Variants in CACNA1C observed in about 807,000 individuals in gnomAD.
CACNA1C encodes the protein calcium voltage-gated channel subunit alpha1 C.
CACNA1C carries 30 observed loss-of-function variants against 229.0 expected under a neutral mutation model. The ratio of observed to expected loss-of-function variants is 0.13; its 90% CI spans 0.10 to 0.18. The LOEUF (loss-of-function observed/expected upper bound fraction) is 0.18, where lower values mean the gene tolerates loss of function less well. CACNA1C is among the 10% of genes least tolerant of loss of function. The pLI is 1.00. For synonymous variants in CACNA1C, 1,114 were observed against 1,132.5 expected, an observed-to-expected ratio of 0.98 and a Z score of 0.33; for missense variants, 1,658 against 2,845.0, an observed-to-expected ratio of 0.58 and a Z score of 9.49.
chr12:2,476,351 G>C (rs1358604457), intron 5 of CACNA1C, among the ~76,000 whole-genome samples: 1 of 152,242 alleles, frequency 6.6e-6, no homozygotes, highest in Non-Finnish European at 1.5e-5. Flanking sequence ...AGTTGGCTTG[G>C]CTTCTAACTC....
intron 5 of CACNA1C, among the ~76,000 whole-genome samples, chr12:2,470,458 T>C (rs187768537): frequency 6.6e-6 from 1 of 152,324 alleles, no homozygotes; most frequent in East Asian, 1.9e-4. Context: ...CAGCGTCCTG[T>C]GAAGTGATCA....
In CACNA1C at chr12:2,685,773, C is replaced by T; in HGVS notation, c.5611C>T (p.Leu1871Phe). Residue 1871 changes from leucine (L) to phenylalanine (F), a missense_variant, in exon 44 of 47, where the codon CTC (leucine) becomes TTC (phenylalanine). Coordinates refer to ENST00000399655, the MANE Select transcript of CACNA1C (RefSeq NM_000719.7). ...YQDDENRQLT[L>F]PEEDKRDIRQ... is the part of the protein sequence containing the mutation. ...GGATGACGAAAATCGGCAACTGACGCTCCCAGAGGAGGACAAGAGGGACAT... is the reference window on the plus strand; with the variant it reads ...GGATGACGAAAATCGGCAACTGACGTTCCCAGAGGAGGACAAGAGGGACAT... The T allele has an allele frequency of 6.2e-7, 1 of 1,613,742 alleles. No homozygotes were observed. Among genetic ancestry groups the T allele is most frequent in the Non-Finnish European group, 8.5e-7 (1 of 1,179,658 alleles).
chr12:2,467,157 C>T lies in CACNA1C; in HGVS notation c.757+9451C>T, dbSNP rs1368960831. ...CGCCCATCGGAGATGGTCCCTACAA[C>T]ATCTTCTAAGCCCTTTCCCTCCCAC... is the stretch of plus-strand genomic sequence containing the variant. On this transcript the variant is annotated intron_variant, in intron 5 of 46. Coordinates refer to ENST00000399655, the MANE Select transcript of CACNA1C (RefSeq NM_000719.7). This position sits in a 1 kb window ranked among gnomAD's most constrained non-coding sequence, Gnocchi z 4.6. 6.6e-6 allele frequency among the ~76,000 whole-genome samples: 1 copy of T among 152,134 alleles called. No homozygotes were observed. Among genetic ancestry groups the T allele is most frequent in the African/African-American group, 2.4e-5 (1 of 41,446 alleles).
intron 3 of CACNA1C, among the ~76,000 whole-genome samples, chr12:2,316,040 T>C (rs993905261): frequency 6.6e-6 from 1 of 152,186 alleles, no homozygotes; most frequent in Non-Finnish European, 1.5e-5. Flanking sequence ...AACCATAAGT[T>C]ATTGCCAGAG....
In CACNA1C at chr12:2,487,232, G is replaced by A. The variant is rs191109523; in HGVS notation, c.916+970G>A. On this transcript the variant is annotated intron_variant, in intron 6 of 46. Coordinates refer to ENST00000399655, the MANE Select transcript of CACNA1C (RefSeq NM_000719.7). ...GCAAGATCCATCATCTTAGTTTTTAGCATCTTGGTGGAAAAAGGGGAGCAT... is the reference window on the plus strand; with the variant it reads ...GCAAGATCCATCATCTTAGTTTTTAACATCTTGGTGGAAAAAGGGGAGCAT... Among the ~76,000 whole-genome samples, 16 of 151,756 alleles carry A rather than the reference G, an allele frequency of 1.1e-4. No homozygotes were observed. In the East Asian group the frequency reaches 1.4e-3, roughly 13 times the overall value.
intron 1 of CACNA1C, among the ~76,000 whole-genome samples, chr12:2,081,597 A>G (rs780394841): frequency 6.6e-6 from 1 of 152,026 alleles, no homozygotes; most frequent in South Asian, 2.1e-4. Context: ...CATTTTTCCT[A>G]TAAACAAAGG....
chr12:2,347,129 C>T (rs1342030431), intron 3 of CACNA1C, among the ~76,000 whole-genome samples: 1 of 152,214 alleles, frequency 6.6e-6, no homozygotes, highest in African/African-American at 2.4e-5. Context: ...CCAAGCCTTG[C>T]TCCTTGTACT....
At chr12:2,093,509 C>T (rs543657209) in intron 1 of CACNA1C, among the ~76,000 whole-genome samples, 44 of 152,332 alleles carry the variant, frequency 2.9e-4, no homozygotes, top group African/African-American at 1.0e-3. Context: ...TGCTTTGTGC[C>T]TCCGTGTTCC....
intron 3 of CACNA1C, among the ~76,000 whole-genome samples, chr12:2,124,974 C>G (rs2089366801): frequency 6.6e-6 from 1 of 152,056 alleles, no homozygotes; most frequent in Non-Finnish European, 1.5e-5. Context: ...GGAGGAGAGA[C>G]ACAAGGAGAA....
intron 3 of CACNA1C, among the ~76,000 whole-genome samples, chr12:2,236,125 C>A (rs1018841768): frequency 6.6e-6 from 1 of 152,164 alleles, no homozygotes; most frequent in Non-Finnish European, 1.5e-5. Flanking sequence ...CATCTCAGCC[C>A]GAAGTGTTTT....
intron 10 of CACNA1C, among the ~76,000 whole-genome samples, chr12:2,556,318 G>A (rs1430442875): frequency 6.6e-6 from 1 of 152,086 alleles, no homozygotes; most frequent in Non-Finnish European, 1.5e-5. Context: ...GACCCTTCCA[G>A]GCAGCCACCC....
chr12:2,600,065 C>A (rs1042183962), intron 21 of CACNA1C, among the ~76,000 whole-genome samples: 6 of 152,130 alleles, frequency 3.9e-5, no homozygotes, highest in Non-Finnish European at 8.8e-5. Context: ...CTCAGAAGAT[C>A]CAAGCCAGGA....
At chr12:2,180,297 G>A (rs924029540) in intron 3 of CACNA1C, among the ~76,000 whole-genome samples, 2 of 152,244 alleles carry the variant, frequency 1.3e-5, no homozygotes, top group African/African-American at 4.8e-5. Flanking sequence ...AAGGGGTGGT[G>A]GGGAAAGCAT....
At chr12:2,272,395 C>A (rs779596168) in intron 3 of CACNA1C, among the ~76,000 whole-genome samples, 44 of 152,302 alleles carry the variant, frequency 2.9e-4, no homozygotes, top group African/African-American at 1.0e-3. Flanking sequence ...TGCCTCCTGC[C>A]TCCTCCTGCT....
At chr12:2,322,399 G>T (rs1296489200) in intron 3 of CACNA1C, among the ~76,000 whole-genome samples, 1 of 152,220 alleles carries the variant, frequency 6.6e-6, no homozygotes, top group Non-Finnish European at 1.5e-5. Flanking sequence ...ACTACGCATT[G>T]TATATTCCTG....
chr12:2,018,334 GTATT>G (rs1473081987), intron 1 of CACNA1C: 3 of 152,188 alleles, frequency 2.0e-5, no homozygotes, highest in Non-Finnish European at 2.9e-5. Flanking sequence ...GAGTTTTTGA[GTATT>G]TATTCTCTTT....
At chr12:2,674,397 G>A in intron 38 of CACNA1C, 144 bp from the exon 39 acceptor site, 1 of 1,192,328 alleles carries the variant, frequency 8.4e-7, no homozygotes, top group Admixed American at 2.8e-5. Flanking sequence ...GGAAGACTGG[G>A]GAGAAGTGAA....
At chr12:2,245,400 T>G (rs910076336) in intron 3 of CACNA1C, among the ~76,000 whole-genome samples, 1 of 152,050 alleles carries the variant, frequency 6.6e-6, no homozygotes, top group Non-Finnish European at 1.5e-5. Context: ...CAAACACACA[T>G]GAGATCTCTG....
At chr12:2,519,454 A>G (rs2239108) in intron 9 of CACNA1C, among the ~76,000 whole-genome samples, 30,516 of 152,024 alleles carry the variant, frequency 0.2, 4,147 homozygotes, top group African/African-American at 0.38. Flanking sequence ...CACCGATGAC[A>G]TCCTTTCAAA....
Sources: gnomAD v4.1 joint callset for allele counts (sites outside exome capture counted in the v4.1 genomes callset) on GRCh38, gnomAD v4.1.1 for gene constraint, Gnocchi (gnomAD v3.1) non-coding constraint, MANE v1.5 for transcripts, NCBI Gene and HGNC (gene_info 2026-07-23, HGNC 2026-07-21) for gene names.